Variants in CDS1 observed in about 807,000 individuals in gnomAD.
CDS1 encodes the protein CDP-diacylglycerol synthase 1, also known as phosphatidate cytidylyltransferase 1.
CDS1 carries 41 observed loss-of-function variants against 62.1 expected under a neutral mutation model. The observed-to-expected ratio is 0.66, with a 90% CI of 0.51 to 0.86. The LOEUF is 0.86. Among genes scored for constraint, CDS1 ranks in the 40% least tolerant of loss-of-function variants. The pLI, the probability that CDS1 is intolerant of heterozygous loss-of-function variation, is 0.00. For synonymous variants in CDS1, 185 were observed against 192.6 expected (o/e 0.96, Z 0.32); for missense variants, 470 against 550.1 (o/e 0.85, Z 1.46).
chr4:84,650,891 A>G lies in CDS1; in HGVS notation c.*2205A>G, dbSNP rs1164494346. The G allele has an allele frequency of 6.6e-6, 1 of 152,190 alleles. No individual in the cohort carries two copies. Among genetic ancestry groups the G allele is most frequent in the Non-Finnish European group, 1.5e-5 (1 of 68,042 alleles). 9.4% of individuals were successfully genotyped at this position (152,190 alleles called of 1,614,324 possible). ...TTGCCATAAAACCCTGACTTGGCTC[A>G]TTTTGATATTTGCACTGTGAAGAGG... On this transcript the variant is annotated 3_prime_UTR_variant, in exon 13 of 13. Coordinates refer to ENST00000295887, the MANE Select transcript of CDS1 (RefSeq NM_001263.4).
chr4:84,641,772 G>A (rs191388476), intron 10 of CDS1, among the ~76,000 whole-genome samples: 221 of 152,280 alleles, frequency 1.5e-3, no homozygotes, highest in African/African-American at 5.0e-3. Flanking sequence ...TGAGTGGCTG[G>A]TTAAAGTGAG....
chr4:84,589,971 T>C (rs890127345), intron 1 of CDS1, among the ~76,000 whole-genome samples: 10 of 152,122 alleles, frequency 6.6e-5, no homozygotes, highest in Middle Eastern at 3.2e-3. Flanking sequence ...CCACCACGCC[T>C]GGCTAATTTT....
intron 4 of CDS1, among the ~76,000 whole-genome samples, chr4:84,619,027 A>G (rs1405031943): frequency 1.3e-5 from 2 of 148,826 alleles, no homozygotes; most frequent in East Asian, 2.0e-4. Flanking sequence ...ATACATACAC[A>G]CAAAGTATTA....
intron 11 of CDS1, among the ~76,000 whole-genome samples, chr4:84,644,970 T>C (rs915303835): frequency 6.6e-6 from 1 of 152,198 alleles, no homozygotes; most frequent in Non-Finnish European, 1.5e-5. Context: ...AAAAAGTAAG[T>C]GCTAGATTTA....
intron 5 of CDS1, among the ~76,000 whole-genome samples, chr4:84,624,845 A>G (rs1221842701): frequency 2.0e-5 from 3 of 148,272 alleles, no homozygotes; most frequent in Non-Finnish European, 4.5e-5. Flanking sequence ...CTCTACTTCT[A>G]TAAAATACAA....
Position 84,585,716 on chromosome 4 carries a change from G to A in CDS1, c.117+2198G>A, listed in dbSNP as rs140903931. ...ATTAACATGACACTCCCTTTGTTCCGGACTGGTGACTTATGCTGAGAGAAG... is the reference window on the plus strand; with the variant it reads ...ATTAACATGACACTCCCTTTGTTCCAGACTGGTGACTTATGCTGAGAGAAG... On this transcript the variant is annotated intron_variant, in intron 1 of 12. Coordinates refer to ENST00000295887, the MANE Select transcript of CDS1 (RefSeq NM_001263.4). Among the ~76,000 whole-genome samples, 11 of 152,206 alleles carry A rather than the reference G, an allele frequency of 7.2e-5. No homozygotes were observed. In the East Asian group the frequency reaches 1.5e-3, roughly 21 times the overall value.
chr4:84,592,562 A>T (rs1722624670), intron 1 of CDS1, among the ~76,000 whole-genome samples: 7 of 152,154 alleles, frequency 4.6e-5, no homozygotes, highest in Admixed American at 4.6e-4. Context: ...GAGGTGAAAG[A>T]TATTTTTCAG....
intron 1 of CDS1, among the ~76,000 whole-genome samples, chr4:84,592,114 A>T (rs1722608021): frequency 6.6e-6 from 1 of 151,306 alleles, no homozygotes. Flanking sequence ...ATTTTGAAAC[A>T]ACTCTAGAAA....
At chr4:84,588,320 A>G (rs1722479070) in intron 1 of CDS1, among the ~76,000 whole-genome samples, 1 of 152,222 alleles carries the variant, frequency 6.6e-6, no homozygotes, top group African/African-American at 2.4e-5. Flanking sequence ...AGATGTGTGC[A>G]GCTTCTTTCA....
At chr4:84,604,785 T>C (rs142146069) in intron 2 of CDS1, among the ~76,000 whole-genome samples, 259 of 152,318 alleles carry the variant, frequency 1.7e-3, no homozygotes, top group African/African-American at 6.1e-3. Flanking sequence ...TTCTTTTCTT[T>C]CTTTCATTTT....
intron 1 of CDS1, among the ~76,000 whole-genome samples, chr4:84,601,062 A>G (rs1327442927): frequency 6.7e-6 from 1 of 150,352 alleles, no homozygotes; most frequent in African/African-American, 2.4e-5. Flanking sequence ...AGTCCCGGCT[A>G]CTCAGGAGGC....
At chr4:84,597,568 C>T (rs776400680) in intron 1 of CDS1, among the ~76,000 whole-genome samples, 5 of 151,946 alleles carry the variant, frequency 3.3e-5, no homozygotes, top group African/African-American at 4.8e-5. Context: ...GAGCCTGGGA[C>T]GGTGAGGCTG....
At chr4:84,584,098 A>G (rs1432858506) in intron 1 of CDS1, among the ~76,000 whole-genome samples, 1 of 152,194 alleles carries the variant, frequency 6.6e-6, no homozygotes, top group Admixed American at 6.5e-5. Flanking sequence ...TCTTTTGAGT[A>G]CACGACAGAC....
intron 5 of CDS1, among the ~76,000 whole-genome samples, chr4:84,630,500 T>G (rs1005717106): frequency 2.6e-5 from 4 of 152,212 alleles, no homozygotes; most frequent in Non-Finnish European, 4.4e-5. Context: ...GTTTGATTCT[T>G]TGCTTGGTGA....
chr4:84,631,778 C>G, intron 5 of CDS1, 41 bp from the exon 6 acceptor site: 1 of 1,562,190 alleles, frequency 6.4e-7, no homozygotes, highest in Non-Finnish European at 8.8e-7. Flanking sequence ...ACCCTTTGTA[C>G]CAAATTGTAC....
chr4:84,641,071 T>A (rs529862978), intron 10 of CDS1, 81 bp downstream of exon 10: 20 of 853,298 alleles, frequency 2.3e-5, no homozygotes, highest in East Asian at 1.4e-4. Context: ...TATTTATTTA[T>A]TTAATTAATT....
chr4:84,588,746 T>A (rs1722492977), intron 1 of CDS1, among the ~76,000 whole-genome samples: 1 of 152,172 alleles, frequency 6.6e-6, no homozygotes, highest in African/African-American at 2.4e-5. Context: ...AAGTGGTCTA[T>A]CTTTTAAAAG....
chr4:84,609,347 C>A, intron 2 of CDS1, 82 bp from the exon 3 acceptor site: 2 of 852,834 alleles, frequency 2.3e-6, no homozygotes, highest in South Asian at 1.6e-5. Context: ...AAGGAAAATT[C>A]ATAAATCTGG....
intron 1 of CDS1, among the ~76,000 whole-genome samples, chr4:84,595,293 C>T (rs978159801): frequency 2.0e-5 from 3 of 152,140 alleles, no homozygotes; most frequent in Non-Finnish European, 4.4e-5. Flanking sequence ...CCTGTCCTAT[C>T]GTGGCTGGAA....
Sources: gnomAD v4.1 joint callset for allele counts (sites outside exome capture counted in the v4.1 genomes callset) on GRCh38, gnomAD v4.1.1 for gene constraint, MANE v1.5 for transcripts, NCBI Gene and HGNC (gene_info 2026-07-23, HGNC 2026-07-21) for gene names.